GALNT13: variants seen among roughly 807,000 people sequenced by gnomAD.
GALNT13 encodes the protein polypeptide N-acetylgalactosaminyltransferase 13.
In GALNT13, 28 loss-of-function variants were observed where a neutral mutation model predicts 64.2. The ratio of observed to expected loss-of-function variants is 0.44; its 90% CI spans 0.32 to 0.60. GALNT13 has a LOEUF of 0.60. Ranked by LOEUF, GALNT13 falls within the 20% of genes least tolerant of loss-of-function variation. The probability of loss-of-function intolerance (pLI) is 0.05; values close to 1 mark genes in which losing one functional copy is unlikely to be tolerated. For missense variants in GALNT13, 577 were observed against 669.8 expected (o/e 0.86, Z 1.53); for synonymous variants, 214 against 224.6 (o/e 0.95, Z 0.42).
At chr2:153,335,839 C>T in the GALNT13 span, among the ~76,000 whole-genome samples, 8 of 152,208 alleles carry the variant, frequency 5.3e-5, no homozygotes, top group South Asian at 2.1e-4. Flanking sequence ...CCTCCCATCA[C>T]GGACCTGGAG....
At chr2:153,682,194 C>T in the GALNT13 span, among the ~76,000 whole-genome samples, 3 of 151,824 alleles carry the variant, frequency 2.0e-5, no homozygotes, top group East Asian at 5.8e-4. Flanking sequence ...GTATACTTTG[C>T]TCTTCTGTCA....
chr2:153,239,022 A>G, the GALNT13 span, among the ~76,000 whole-genome samples: 3 of 151,984 alleles, frequency 2.0e-5, no homozygotes, highest in Non-Finnish European at 4.4e-5. Flanking sequence ...ATTACCTTCA[A>G]TGTTTTATAG....
chr2:154,445,157 G>T (rs1237092648), intron 12 of GALNT13, among the ~76,000 whole-genome samples: 2 of 151,482 alleles, frequency 1.3e-5, no homozygotes, highest in Non-Finnish European at 2.9e-5. Context: ...TTTTCTTCTG[G>T]GCTATGGCTT....
intron 4 of GALNT13, among the ~76,000 whole-genome samples, chr2:154,206,462 A>T (rs1479429682): frequency 6.6e-6 from 1 of 152,016 alleles, no homozygotes; most frequent in African/African-American, 2.4e-5. Context: ...TTTACCTAGT[A>T]AACATTCTAG....
intron 8 of GALNT13, among the ~76,000 whole-genome samples, chr2:154,298,770 A>G (rs1202889829): frequency 1.6e-5 from 2 of 124,512 alleles, no homozygotes; most frequent in African/African-American, 6.1e-5. Context: ...TATATAAATT[A>G]TATATTTATT....
At chr2:153,779,789 C>T in the GALNT13 span, among the ~76,000 whole-genome samples, 1 of 152,044 alleles carries the variant, frequency 6.6e-6, no homozygotes, top group African/African-American at 2.4e-5. Context: ...AAACGGGTTC[C>T]AATTTTTCTT....
the GALNT13 span, among the ~76,000 whole-genome samples, chr2:153,353,098 A>C: frequency 2.0e-5 from 3 of 152,096 alleles, no homozygotes; most frequent in Non-Finnish European, 4.4e-5. Context: ...TAAATGGAAT[A>C]TCTCTCCATT....
At chr2:153,455,393 C>T in the GALNT13 span, among the ~76,000 whole-genome samples, 7,189 of 152,276 alleles carry the variant, frequency 0.047, 246 homozygotes, top group Non-Finnish European at 0.074. Flanking sequence ...ACTCAGCTCA[C>T]GGATCTCAAC....
intron 4 of GALNT13, among the ~76,000 whole-genome samples, chr2:154,229,988 A>G (rs574080316): frequency 2.1e-4 from 32 of 152,250 alleles, no homozygotes; most frequent in Admixed American, 5.2e-4. Flanking sequence ...AGAATACTCC[A>G]CAGATGCACT....
chr2:153,566,430 C>A, the GALNT13 span, among the ~76,000 whole-genome samples: 262 of 142,464 alleles, frequency 1.8e-3, no homozygotes, highest in African/African-American at 6.6e-3. Flanking sequence ...TCTCAGCTCA[C>A]TGCAAGCTCT....
At chr2:154,278,678 A>G (rs1691788838) in intron 8 of GALNT13, among the ~76,000 whole-genome samples, 3 of 152,170 alleles carry the variant, frequency 2.0e-5, no homozygotes, top group African/African-American at 7.2e-5. Context: ...ACAGTGTCAA[A>G]TGCTACAGAG....
the GALNT13 span, among the ~76,000 whole-genome samples, chr2:153,398,264 G>A: frequency 5.9e-5 from 9 of 152,090 alleles, no homozygotes; most frequent in Middle Eastern, 3.4e-3. Flanking sequence ...ATCATTTTTT[G>A]TGGCTGCATA....
chr2:154,248,358 A>C (rs1689892757), intron 7 of GALNT13, among the ~76,000 whole-genome samples: 2 of 152,090 alleles, frequency 1.3e-5, no homozygotes, highest in Admixed American at 1.3e-4. Context: ...TCATATTATA[A>C]CTATGGAATA....
intron 2 of GALNT13, among the ~76,000 whole-genome samples, chr2:153,911,809 G>T (rs1014909381): frequency 6.6e-6 from 1 of 152,124 alleles, no homozygotes; most frequent in Non-Finnish European, 1.5e-5. Flanking sequence ...TTTTGTGGGT[G>T]ACCTGTCCTT....
At position 154,351,670 on chromosome 2, in the gene GALNT13, G is replaced by A. The variant is rs1384778482; in HGVS notation, c.1157-44321G>A. Among the ~76,000 whole-genome samples the A allele has an allele frequency of 1.3e-4, 13 of 103,018 alleles. No individual in the cohort carries two copies. The East Asian group carries it at 1.8e-3, about 14-fold the overall frequency. The allele number at this position is 103,018 out of a possible 152,430, so 67.6% of individuals were successfully genotyped here. On this transcript the variant is annotated intron_variant, in intron 9 of 12. Coordinates refer to ENST00000392825, the MANE Select transcript of GALNT13 (RefSeq NM_052917.4). ...TGCAGTCCAGCCTGGGCGACAAAGC[G>A]AGACTCCGTCTCAAAAAAAAAAAAA...
the GALNT13 span, among the ~76,000 whole-genome samples, chr2:153,270,460 T>C: frequency 5.9e-5 from 9 of 152,218 alleles, no homozygotes; most frequent in African/African-American, 2.2e-4. Flanking sequence ...AGATTAAACA[T>C]AGGCAGTTTG....
intron 3 of GALNT13, among the ~76,000 whole-genome samples, chr2:154,087,733 C>G: frequency 6.6e-6 from 1 of 152,138 alleles, no homozygotes; most frequent in South Asian, 2.1e-4. Context: ...GGTTCATCTT[C>G]CTGACACACG....
At chr2:153,266,139 C>T in the GALNT13 span, among the ~76,000 whole-genome samples, 3 of 151,934 alleles carry the variant, frequency 2.0e-5, no homozygotes, top group East Asian at 1.9e-4. Context: ...GGTTGTAGTC[C>T]GTTACCAAGC....
the GALNT13 span, among the ~76,000 whole-genome samples, chr2:153,140,172 A>T: frequency 6.6e-6 from 1 of 152,074 alleles, no homozygotes; most frequent in African/African-American, 2.4e-5. Flanking sequence ...AGGAAATGAT[A>T]ATAGTCATTA....
Sources: allele counts gnomAD v4.1 joint callset (sites outside exome capture counted in the v4.1 genomes callset), GRCh38; gene constraint gnomAD v4.1.1; transcripts MANE v1.5; gene names NCBI Gene and HGNC (gene_info 2026-07-23, HGNC 2026-07-21).